The following FER1L6 variants were observed in gnomAD, a reference collection of about 807,000 sequenced individuals.
FER1L6 encodes fer-1-like protein 6.
Under a neutral mutation model 219.2 loss-of-function variants are expected in FER1L6, and 177 were observed. The ratio of observed to expected loss-of-function variants is 0.81; its 90% confidence interval spans 0.71 to 0.91. The LOEUF (loss-of-function observed/expected upper bound fraction) is 0.91, where lower values mean the gene tolerates loss of function less well. Ranked by LOEUF, FER1L6 falls within the 40% of genes least tolerant of loss-of-function variation. The probability of loss-of-function intolerance (pLI) is 0.00; values close to 1 mark genes in which losing one functional copy is unlikely to be tolerated. For synonymous variants in FER1L6, 768 were observed against 824.3 expected, an observed-to-expected ratio of 0.93 and a Z score of 1.17; for missense variants, 2,153 against 2,259.9, an observed-to-expected ratio of 0.95 and a Z score of 0.96.
chr8:124,003,129 A>G (rs781061195), intron 12 of FER1L6, 38 bp from the exon 13 acceptor site: 5 of 1,583,048 alleles, frequency 3.2e-6, no homozygotes, highest in South Asian at 2.3e-5. Flanking sequence ...TCTGATTACC[A>G]CCACCTGACC....
rs376439710 is a variant in FER1L6, at chr8:124,071,586, G to A, written c.4047G>A (p.Pro1349=). 121 of 1,614,056 alleles carry A rather than the reference G, an allele frequency of 7.5e-5. No individual in the cohort carries two copies. The highest frequency in any genetic ancestry group is 2.8e-4 in the African/African-American group (21 of 75,014). Residue 1349 remains proline (P), a synonymous_variant, in exon 31 of 41, where the codon CCG becomes CCA. Transcript: ENST00000522917. ...SGQLRIQQGI[P]PNHPVTVLIR... Reference sequence around the variant, plus strand: ...AGCTGAGAATCCAGCAAGGGATTCCGCCCAATCACCCTGTCACAGTGCTGA... The same window carrying A: ...AGCTGAGAATCCAGCAAGGGATTCCACCCAATCACCCTGTCACAGTGCTGA...
At chr8:124,073,017 A>C (rs994502094) in intron 31 of FER1L6, among the ~76,000 whole-genome samples, 1 of 151,704 alleles carries the variant, frequency 6.6e-6, no homozygotes, top group African/African-American at 2.4e-5. Context: ...AAACCTATTT[A>C]GTAATCTTGA....
chr8:123,896,828 C>T (rs1812750578), intron 1 of FER1L6, among the ~76,000 whole-genome samples: 1 of 152,244 alleles, frequency 6.6e-6, no homozygotes, highest in East Asian at 1.9e-4. Context: ...TAATCTCAGT[C>T]TCTTCCTGAA....
rs1310980017 is a variant in FER1L6, at chr8:123,966,003, A to G, written c.198-4A>G. The stretch of plus-strand genomic sequence containing the variant: ...AACAAACATATTAAACTTTCTTTTA[A>G]TAGATCAAAACTGTTGACTAAGATC... On this transcript the variant is annotated splice_polypyrimidine_tract_variant and splice_region_variant and intron_variant, in intron 3 of 40. Coordinates refer to ENST00000522917, the MANE Select transcript of FER1L6 (RefSeq NM_001039112.2). 2 of 1,611,816 alleles carry G rather than the reference A, an allele frequency of 1.2e-6. No individual in the cohort carries two copies. The highest frequency in any genetic ancestry group is 3.3e-5 in the Admixed American group (2 of 59,930).
chr8:124,003,141 C>A, intron 12 of FER1L6, 26 bp from the exon 13 acceptor site: 3 of 1,606,594 alleles, frequency 1.9e-6, no homozygotes, highest in Non-Finnish European at 1.7e-6. Context: ...CACCTGACCC[C>A]TTTCCCCTTG....
intron 35 of FER1L6, 37 bp downstream of exon 35, chr8:124,095,075 C>T (rs1212596358): frequency 6.2e-7 from 1 of 1,612,696 alleles, no homozygotes. Flanking sequence ...AAAAGTTAAT[C>T]TTGTGTACTG....
At chr8:123,892,415 G>A (rs35367669) in intron 1 of FER1L6, among the ~76,000 whole-genome samples, 34,599 of 151,714 alleles carry the variant, frequency 0.23, 4,299 homozygotes, top group East Asian at 0.46. Flanking sequence ...TCTCAGCCCC[G>A]CAAGTAGCTG....
chr8:124,013,080 T>C (rs1766674558), intron 14 of FER1L6, among the ~76,000 whole-genome samples: 1 of 152,256 alleles, frequency 6.6e-6, no homozygotes, highest in Non-Finnish European at 1.5e-5. Context: ...TTTGGGTAAT[T>C]ATATCTAATT....
intron 1 of FER1L6, chr8:123,939,068 C>A (rs1041374186): frequency 2.4e-5 from 15 of 630,482 alleles, no homozygotes; most frequent in African/African-American, 4.0e-5. Flanking sequence ...AAATATCAAA[C>A]CCTTAGTTTT....
chr8:124,072,952 G>A (rs1821138280), intron 31 of FER1L6, among the ~76,000 whole-genome samples: 1 of 152,204 alleles, frequency 6.6e-6, no homozygotes, highest in Non-Finnish European at 1.5e-5. Context: ...TCCAGGCTTT[G>A]AGACTCACAA....
At chr8:123,855,752 GTATA>G (rs1313767555) in intron 1 of FER1L6, among the ~76,000 whole-genome samples, 35 of 146,518 alleles carry the variant, frequency 2.4e-4, no homozygotes, top group African/African-American at 8.5e-4. Flanking sequence ...GTGTATGTGT[GTATA>G]TATATGTGTG....
At chr8:124,016,474 A>T (rs1205876251) in intron 15 of FER1L6, among the ~76,000 whole-genome samples, 1 of 152,178 alleles carries the variant, frequency 6.6e-6, no homozygotes, top group Non-Finnish European at 1.5e-5. Context: ...TCATTAAAAA[A>T]AAATAAATAT....
At position 124,094,967 on chromosome 8, in the gene FER1L6, G is replaced by C. The variant is rs1303016882; in HGVS notation, c.4624G>C (p.Gly1542Arg). 2 of 1,614,126 alleles carry C rather than the reference G, an allele frequency of 1.2e-6. No individual in the cohort carries two copies. Among genetic ancestry groups the C allele is most frequent in the Non-Finnish European group, 1.7e-6 (2 of 1,180,002 alleles). ...CTCTTGGGAGGATATCCCGGAAGTC[G>C]GGTGTAGGCTGGTTCCTGAACACAT... ...LHSWEDIPEV[G>R]CRLVPEHIET... The change falls in exon 35 of 41, where the codon GGG becomes CGG. Residue 1542 changes from glycine (G) to arginine (R), a missense_variant. Coordinates refer to ENST00000522917, the MANE Select transcript of FER1L6 (RefSeq NM_001039112.2).
Position 124,061,976 on chromosome 8 carries a change from A to C in FER1L6, c.3272A>C (p.Lys1091Thr). The C allele has an allele frequency of 1.9e-6, 3 of 1,614,118 alleles. No individual in the cohort carries two copies. The highest frequency in any genetic ancestry group is 2.5e-6 in the Non-Finnish European group (3 of 1,180,010). ...AACTACTTGAAGCAGTTTTTGTGTAAACTCAGAGAGCCCCTTGCCCCCATC... is the reference window on the plus strand; with the variant it reads ...AACTACTTGAAGCAGTTTTTGTGTACACTCAGAGAGCCCCTTGCCCCCATC... ...TINYLKQFLC[K>T]LREPLAPITQ... The change falls in exon 25 of 41, where the codon AAA (lysine) becomes ACA (threonine). Residue 1091 changes from lysine to threonine, a missense_variant. Physicochemically the swap from Lys to Thr is moderately conservative, Grantham distance 78. Transcript: ENST00000522917.
chr8:123,994,073 T>C (rs1421677611), intron 12 of FER1L6, among the ~76,000 whole-genome samples: 1 of 152,144 alleles, frequency 6.6e-6, no homozygotes, highest in Non-Finnish European at 1.5e-5. Flanking sequence ...TACCTGAAGG[T>C]GCTGTAATAG....
At chr8:123,942,612 G>A (rs1814285595) in intron 1 of FER1L6, among the ~76,000 whole-genome samples, 1 of 152,100 alleles carries the variant, frequency 6.6e-6, no homozygotes. Context: ...CTTGTCTTGT[G>A]ACTGCATCAC....
intron 35 of FER1L6, among the ~76,000 whole-genome samples, chr8:124,095,740 C>T (rs1399327158): frequency 2.0e-5 from 3 of 152,194 alleles, no homozygotes; most frequent in Non-Finnish European, 4.4e-5. Flanking sequence ...GTACAAGGAA[C>T]ACACACCATG....
chr8:124,110,942 G>C (rs1057132449), intron 39 of FER1L6, among the ~76,000 whole-genome samples: 2 of 152,024 alleles, frequency 1.3e-5, no homozygotes, highest in African/African-American at 4.8e-5. Flanking sequence ...TATGACAGGA[G>C]GTAGTTGTGC....
intron 13 of FER1L6, among the ~76,000 whole-genome samples, chr8:124,005,568 G>GA (rs537738731): frequency 8.8e-4 from 134 of 152,328 alleles, no homozygotes; most frequent in South Asian, 1.9e-3. Context: ...AGCACTGATT[G>GA]AAGACTTTTT....
Sources: gnomAD v4.1 joint callset for allele counts (sites outside exome capture counted in the v4.1 genomes callset) on GRCh38, gnomAD v4.1.1 for gene constraint, MANE v1.5 for transcripts, NCBI Gene and HGNC (gene_info 2026-07-23, HGNC 2026-07-21) for gene names.